The following PNLDC1 variants were observed in gnomAD, a reference collection of about 807,000 sequenced individuals.
The protein encoded by PNLDC1 is PARN like ribonuclease domain containing exonuclease 1, also known as poly(A)-specific ribonuclease PNLDC1.
A neutral mutation model predicts 82.0 loss-of-function variants in PNLDC1; 70 were observed. That is an observed-to-expected ratio of 0.85 (90% CI 0.70 to 1.04). The LOEUF (loss-of-function observed/expected upper bound fraction) is 1.04. Among genes scored for constraint, PNLDC1 ranks in the 50% least tolerant of loss-of-function variants. The pLI, the probability that PNLDC1 is intolerant of heterozygous loss-of-function variation, is 0.00. For synonymous variants in PNLDC1, 280 were observed against 249.3 expected (o/e 1.12, Z -1.16); for missense variants, 631 against 661.1 (o/e 0.95, Z 0.50).
intron 10 of PNLDC1, 52 bp from the exon 11 acceptor site, chr6:159,811,649 A>AT: frequency 6.9e-7 from 1 of 1,458,772 alleles, no homozygotes; most frequent in Non-Finnish European, 9.6e-7. Context: ...GTTCCTTCCC[A>AT]TTTTTGCCAA....
chr6:159,806,119 T>C, intron 7 of PNLDC1, 36 bp downstream of exon 7: 1 of 1,523,988 alleles, frequency 6.6e-7, no homozygotes, highest in Non-Finnish European at 9.1e-7. Flanking sequence ...GCAGGAGCAT[T>C]GGGACAGGTC....
intron 2 of PNLDC1, 45 bp downstream of exon 2, chr6:159,800,874 C>T (rs1449977597): frequency 6.2e-7 from 1 of 1,612,546 alleles, no homozygotes; most frequent in Admixed American, 1.7e-5. Flanking sequence ...CCTGGCCAGA[C>T]CAGCACTGTT....
At chr6:159,808,076 G>A (rs549223953) in intron 7 of PNLDC1, among the ~76,000 whole-genome samples, 2 of 152,074 alleles carry the variant, frequency 1.3e-5, no homozygotes, top group Non-Finnish European at 2.9e-5. Context: ...ACCATGCCTG[G>A]CTAATTTCTG....
At position 159,801,206 on chromosome 6, in the gene PNLDC1, T is replaced by C; in HGVS notation, c.208+20T>C. 1 of 1,604,126 alleles carries C rather than the reference T, an allele frequency of 6.2e-7. No homozygotes were observed. Among genetic ancestry groups the C allele is most frequent in the Non-Finnish European group, 8.5e-7 (1 of 1,170,938 alleles). ...AGATTGGTGAGTTTAATATCAGCTGTTAGAGTTTTTCAAGAAGGTATTTTT... is the reference window on the plus strand; with the variant it reads ...AGATTGGTGAGTTTAATATCAGCTGCTAGAGTTTTTCAAGAAGGTATTTTT... On this transcript the variant is annotated intron_variant, in intron 3 of 18. Coordinates refer to ENST00000392167, the MANE Select transcript of PNLDC1 (RefSeq NM_001271862.2).
At chr6:159,818,429 G>A (rs41267791) in intron 15 of PNLDC1, 126 bp from the exon 16 acceptor site, 205,161 of 789,148 alleles carry the variant, frequency 0.26, 27,893 homozygotes, top group Middle Eastern at 0.31. Context: ...GACTTGTGAG[G>A]GCAGGAGGGA....
chr6:159,803,194 T>G, intron 3 of PNLDC1, 77 bp from the exon 4 acceptor site: 155 of 1,381,176 alleles, frequency 1.1e-4, no homozygotes, highest in Middle Eastern at 1.8e-4. Flanking sequence ...AAGTACTGTT[T>G]GAGTTGTTTT....
intron 15 of PNLDC1, among the ~76,000 whole-genome samples, chr6:159,818,256 T>C (rs751950572): frequency 3.3e-5 from 5 of 152,202 alleles, no homozygotes; most frequent in Admixed American, 6.5e-5. Context: ...CTCTGAATAG[T>C]GGCCTCGCAC....
intron 12 of PNLDC1, among the ~76,000 whole-genome samples, chr6:159,815,140 G>GTC (rs1781771447): frequency 6.6e-6 from 1 of 152,216 alleles, no homozygotes; most frequent in Non-Finnish European, 1.5e-5. Context: ...CATCTGTTGA[G>GTC]TCAAGTTTTA....
chr6:159,819,994 CTG>C lies in PNLDC1; in HGVS notation c.1533-457_1533-456del, dbSNP rs746002596. ...AGGTTGTCTTCCGTGTTGGGGTAGA[CTG>C]TGGAGGCGAGACGCTGTGAGAGCAG... On this transcript the variant is annotated intron_variant, in intron 18 of 18. Transcript: ENST00000392167. This position sits in a 1 kb window ranked among gnomAD's most constrained non-coding sequence, Gnocchi z 4.6. Among the ~76,000 whole-genome samples, 3 of 152,134 alleles carry C rather than the reference CTG, an allele frequency of 2.0e-5. No individual in the cohort carries two copies. The highest frequency in any genetic ancestry group is 2.1e-4 in the South Asian group (1 of 4,814).
At chr6:159,808,837 GGGCATCAGT>G in intron 8 of PNLDC1, 21 bp downstream of exon 8, 1 of 1,612,466 alleles carries the variant, frequency 6.2e-7, no homozygotes, top group Non-Finnish European at 8.5e-7. Context: ...ACTGCGAACG[GGGCATCAGT>G]GGCTCCATTG....
Position 159,819,378 on chromosome 6 carries a change from C to T in PNLDC1, c.1532+26C>T. ...GTAAGTGACAGGCTGAGGCCACCTG[C>T]CTGTCCTGGGGTCCTGGAGTGCCCG... On this transcript the variant is annotated intron_variant, in intron 18 of 18. Coordinates refer to ENST00000392167, the MANE Select transcript of PNLDC1 (RefSeq NM_001271862.2). The surrounding 1 kb of genome is among the most constrained non-coding windows in gnomAD (Gnocchi z 4.6). 1.2e-6 allele frequency: 2 copies of T among 1,603,996 alleles called. No homozygotes were observed. The highest frequency in any genetic ancestry group is 8.5e-7 in the Non-Finnish European group (1 of 1,174,234).
rs1306600536 is a variant in PNLDC1 at position 159,811,799 on chromosome 6, A to C, written c.939+13A>C. On this transcript the variant is annotated intron_variant, in intron 11 of 18. Coordinates refer to ENST00000392167, the MANE Select transcript of PNLDC1 (RefSeq NM_001271862.2). ...GGATATCTGGAAGGTAATGAATAGA[A>C]CTGCTTTGGGTTAAGAACTGCTTTT... The C allele has an allele frequency of 1.3e-6, 2 of 1,588,228 alleles. No homozygotes were observed. Among genetic ancestry groups the C allele is most frequent in the Admixed American group, 3.3e-5 (2 of 59,782 alleles).
Position 159,809,002 on chromosome 6 carries a change from C to G in PNLDC1, c.640-13C>G, listed in dbSNP as rs577773389. 1.1e-5 allele frequency: 18 copies of G among 1,610,506 alleles called. No individual in the cohort carries two copies. The East Asian group carries it at 3.8e-4, about 34-fold the overall frequency. On this transcript the variant is annotated splice_polypyrimidine_tract_variant and intron_variant, in intron 8 of 18. Transcript: ENST00000392167. ...GTAACCCAGGATTCAGGGAATTTGT[C>G]CCTGCTTTTCAGGTGGTAGTGAAGA... is the stretch of plus-strand genomic sequence containing the variant.
intron 14 of PNLDC1, 34 bp downstream of exon 14, chr6:159,816,630 C>CTTTT: frequency 2.7e-5 from 36 of 1,309,624 alleles, no homozygotes; most frequent in Non-Finnish European, 3.2e-5. Context: ...AGGAAACTCA[C>CTTTT]TTTTTTTTTT....
Position 159,813,739 on chromosome 6 carries a change from C to T in PNLDC1, c.995+83C>T, listed in dbSNP as rs554557218. The stretch of plus-strand genomic sequence containing the variant: ...TCCGCAGGCCTTTGGGCTCTCTAGG[C>T]GTGCCCACCATTCACAGTGATGCCT... On this transcript the variant is annotated intron_variant, in intron 12 of 18. Coordinates refer to ENST00000392167, the MANE Select transcript of PNLDC1 (RefSeq NM_001271862.2). The T allele has an allele frequency of 1.1e-3, 1,372 of 1,242,526 alleles. 22 individuals carry two copies. In the South Asian group the frequency reaches 0.015, roughly 14 times the overall value. The allele number at this position is 1,242,526 out of a possible 1,614,324, so 77.0% of individuals were successfully genotyped here.
At chr6:159,806,110 C>CTCCTGCGTTGGG in intron 7 of PNLDC1, 27 bp downstream of exon 7, 1 of 1,558,660 alleles carries the variant, frequency 6.4e-7, no homozygotes, top group Non-Finnish European at 8.9e-7. Flanking sequence ...CCTCCCAACG[C>CTCCTGCGTTGGG]AGGAGCATTG....
At chr6:159,800,267 G>A, upstream of PNLDC1, 1 of 1,381,810 alleles carries the variant, frequency 7.2e-7, no homozygotes, top group South Asian at 1.3e-5. Flanking sequence ...CACGTGGGCA[G>A]CACGTGATAG....
At position 159,811,686 on chromosome 6, in the gene PNLDC1, G is replaced by A. The variant is rs370473737; in HGVS notation, c.854-15G>A. 1.1e-4 allele frequency: 169 copies of A among 1,604,614 alleles called. No homozygotes were observed. Among genetic ancestry groups the A allele is most frequent in the Non-Finnish European group, 1.3e-4 (151 of 1,172,194 alleles). On this transcript the variant is annotated splice_polypyrimidine_tract_variant and intron_variant, in intron 10 of 18. Transcript: ENST00000392167. ...AAACAAATTCACTCTTGACTACCTG[G>A]GTTTTTCCCCTCAGAAAGCTACGAT...
rs1583166002 is a variant in PNLDC1, at chr6:159,803,324, G to A, written c.248+14G>A. On this transcript the variant is annotated intron_variant, in intron 4 of 18. Transcript: ENST00000392167. The stretch of plus-strand genomic sequence containing the variant: ...AGAGGCAAACAAGTATGTATCAAGA[G>A]CTTCTGCAAACATAGGTGCTTCCCA... 3 of 1,611,542 alleles carry A rather than the reference G, an allele frequency of 1.9e-6. No homozygotes were observed. Among genetic ancestry groups the A allele is most frequent in the South Asian group, 1.1e-5 (1 of 90,996 alleles).
Sources: gnomAD v4.1 joint callset for allele counts (sites outside exome capture counted in the v4.1 genomes callset) on GRCh38, gnomAD v4.1.1 for gene constraint, Gnocchi (gnomAD v3.1) non-coding constraint, MANE v1.5 for transcripts, NCBI Gene and HGNC (gene_info 2026-07-23, HGNC 2026-07-21) for gene names.